IL10RA: variants seen among roughly 807,000 people sequenced by gnomAD.
IL10RA encodes the protein interleukin 10 receptor subunit alpha, also known as interleukin-10 receptor subunit alpha.
Under a neutral mutation model 29.6 loss-of-function variants are expected in IL10RA, and 18 were observed. The observed-to-expected ratio is 0.61, with a 90% CI of 0.42 to 0.90. IL10RA has a LOEUF of 0.90. Among genes scored for constraint, IL10RA ranks in the 40% least tolerant of loss-of-function variants. The probability of loss-of-function intolerance (pLI) is 0.00; values close to 1 mark genes in which losing one functional copy is unlikely to be tolerated. For synonymous variants in IL10RA, 292 were observed against 294.1 expected (o/e 0.99, Z 0.07); for missense variants, 634 against 716.6 (o/e 0.88, Z 1.32).
In IL10RA at chr11:117,990,351, T is replaced by TA. The variant is rs1266462644; in HGVS notation, c.367+732dup. On this transcript the variant is annotated intron_variant, in intron 3 of 6. Transcript: ENST00000227752. ...GTCTTGAATGGGCCCAGGGCATCTG[T>TA]ATTTTTTTTTTTTTTAACATTTTGT... Among the ~76,000 whole-genome samples the TA allele has an allele frequency of 7.4e-5, 6 of 81,130 alleles. No homozygotes were observed. The East Asian group carries it at 1.5e-3, about 20-fold the overall frequency. The allele number at this position is 81,130 out of a possible 152,430, so 53.2% of individuals were successfully genotyped here. A position where few individuals can be genotyped will look rare whatever the true frequency, so the allele number is the denominator to read the frequency against.
intron 3 of IL10RA, chr11:117,993,016 T>C: frequency 1.8e-6 from 1 of 562,206 alleles, no homozygotes; most frequent in Admixed American, 3.0e-5. Flanking sequence ...TTCTGGGCTG[T>C]CCATCATATT....
At chr11:117,990,165 C>T (rs1000802262) in intron 3 of IL10RA, among the ~76,000 whole-genome samples, 5 of 152,158 alleles carry the variant, frequency 3.3e-5, no homozygotes, top group South Asian at 2.1e-4. Context: ...ATGGAGACCT[C>T]GCTCTGTAGG....
At position 118,001,470 on chromosome 11, in the gene IL10RA, C is replaced by G. The variant is rs2058095183; in HGVS notation, c.*1829C>G. On this transcript the variant is annotated 3_prime_UTR_variant, in exon 7 of 7. Transcript: ENST00000227752. ...CATGTTTTTTATTCCAATAAATTGT[C>G]AAGACCACAGGAATCGTGTGAAACT... 1 of 423,826 alleles carries G rather than the reference C, an allele frequency of 2.4e-6. No individual in the cohort carries two copies. Among genetic ancestry groups the G allele is most frequent in the Non-Finnish European group, 4.7e-6 (1 of 211,886 alleles). The allele number at this position is 423,826 out of a possible 1,614,324, so 26.3% of individuals were successfully genotyped here. A position where few individuals can be genotyped will look rare whatever the true frequency, so the allele number is the denominator to read the frequency against.
chr11:118,002,508 C>T (rs1317900090), downstream of IL10RA: 1 of 152,162 alleles, frequency 6.6e-6, no homozygotes, highest in Non-Finnish European at 1.5e-5. Flanking sequence ...GAGGTGTTAG[C>T]GATGGCTTAT....
At chr11:118,001,727 C>G, downstream of IL10RA, 1 of 264,254 alleles carries the variant, frequency 3.8e-6, no homozygotes, top group Admixed American at 4.9e-5. Context: ...TGACAACTCC[C>G]CATGAGGATG....
intron 4 of IL10RA, 37 bp downstream of exon 4, chr11:117,993,447 C>A: frequency 6.3e-7 from 1 of 1,584,682 alleles, no homozygotes; most frequent in South Asian, 1.1e-5. Flanking sequence ...CCAGAACTCC[C>A]TTGGCTTCCC....
chr11:117,993,848 T>C, intron 4 of IL10RA, 151 bp from the exon 5 acceptor site: 1 of 698,658 alleles, frequency 1.4e-6, no homozygotes, highest in South Asian at 1.5e-5. Context: ...ACAGAGATCA[T>C]GTGCTGCATT....
intron 6 of IL10RA, among the ~76,000 whole-genome samples, chr11:117,998,410 G>C (rs994272706): frequency 6.6e-6 from 1 of 152,178 alleles, no homozygotes; most frequent in Admixed American, 6.5e-5. Flanking sequence ...CCTGCTTTCA[G>C]GTTTGAAAAG....
Position 117,993,310 on chromosome 11 carries a change from C to G in IL10RA, c.437C>G (p.Pro146Arg). ...NGFILGKIQL[P>R]RPKMAPANDT... ...TTCATCCTCGGGAAGATTCAGCTAC[C>G]CAGGCCCAAGATGGCCCCCGCAAAT... Residue 146 changes from proline (P) to arginine (R), a missense_variant, in exon 4 of 7, where the codon CCC becomes CGC. By Grantham distance (103) the Pro-to-Arg change is moderately radical. Transcript: ENST00000227752. 1.2e-6 allele frequency: 2 copies of G among 1,613,924 alleles called. No individual in the cohort carries two copies. The highest frequency in any genetic ancestry group is 1.7e-6 in the Non-Finnish European group (2 of 1,179,792).
At chr11:117,993,759 C>T (rs868206699) in intron 4 of IL10RA, among the ~76,000 whole-genome samples, 18 of 152,320 alleles carry the variant, frequency 1.2e-4, no homozygotes, top group Middle Eastern at 3.4e-3. Flanking sequence ...CTGTTGATTC[C>T]AGCCCCTTCT....
intron 3 of IL10RA, among the ~76,000 whole-genome samples, chr11:117,990,767 AATTT>A (rs1436845358): frequency 6.6e-6 from 1 of 152,234 alleles, no homozygotes; most frequent in African/African-American, 2.4e-5. Context: ...TAATCAATGC[AATTT>A]ATCACATTAA....
At chr11:117,993,025 T>C (rs577090231) in intron 3 of IL10RA, 2 of 572,820 alleles carry the variant, frequency 3.5e-6, no homozygotes, top group South Asian at 4.0e-5. Flanking sequence ...GTCCATCATA[T>C]TCCATTGGTT....
At position 118,000,863 on chromosome 11, in the gene IL10RA, G is replaced by A; in HGVS notation, c.*1222G>A. On this transcript the variant is annotated 3_prime_UTR_variant, in exon 7 of 7. Coordinates refer to ENST00000227752, the MANE Select transcript of IL10RA (RefSeq NM_001558.4). ...ATGGGAGTCCATGGTGTCATGCCAA[G>A]ACAGTATCAGACACAGCCCCAGAAG... 2.2e-6 allele frequency: 1 copy of A among 454,276 alleles called. No homozygotes were observed. Among genetic ancestry groups the A allele is most frequent in the South Asian group, 1.6e-5 (1 of 64,480 alleles). The allele number at this position is 454,276 out of a possible 1,614,324, so 28.1% of individuals were successfully genotyped here. A position where few individuals can be genotyped will look rare whatever the true frequency, so the allele number is the denominator to read the frequency against.
intron 1 of IL10RA, chr11:117,986,942 C>G (rs2057990608): frequency 1.2e-6 from 1 of 813,506 alleles, no homozygotes; most frequent in African/African-American, 1.8e-5. Flanking sequence ...TCTGTCTGTC[C>G]TTCTCCCATC....
At chr11:117,987,927 G>C (rs546589981) in intron 1 of IL10RA, 185 of 238,086 alleles carry the variant, frequency 7.8e-4, no homozygotes, top group African/African-American at 4.0e-3. Context: ...TCAGCAAGCA[G>C]GCTGTCTGTG....
At position 117,989,426 on chromosome 11, in the gene IL10RA, C is replaced by A; in HGVS notation, c.189-16C>A. 1.2e-6 allele frequency: 2 copies of A among 1,612,698 alleles called. No homozygotes were observed. The highest frequency in any genetic ancestry group is 1.7e-6 in the Non-Finnish European group (2 of 1,178,624). ...GCACAAGCTCGTTTCCAGTGCCTAA[C>A]CTGGTATCTCCTCAGGTATGGAATA... On this transcript the variant is annotated splice_polypyrimidine_tract_variant and intron_variant, in intron 2 of 6. Coordinates refer to ENST00000227752, the MANE Select transcript of IL10RA (RefSeq NM_001558.4). The surrounding 1 kb of genome is among the most constrained non-coding windows in gnomAD (Gnocchi z 4.5).
In IL10RA at chr11:117,998,814, G is replaced by T. The variant is rs1179563256; in HGVS notation, c.910G>T (p.Val304Leu). The change falls in exon 7 of 7, where the codon GTG becomes TTG. Residue 304 changes from valine (V) to leucine (L), a missense_variant. By Grantham distance (32) the Val-to-Leu change is conservative. Transcript: ENST00000227752. ...HPLDEEAFLK[V>L]SPELKNLDLH... ...GCTTGATGAGGAGGCCTTTTTGAAG[G>T]TGTCCCCAGAGCTGAAGAACTTGGA... is the stretch of plus-strand genomic sequence containing the variant. The T allele has an allele frequency of 1.2e-6, 2 of 1,614,014 alleles. No homozygotes were observed. The highest frequency in any genetic ancestry group is 1.3e-5 in the African/African-American group (1 of 74,908).
At position 117,999,448 on chromosome 11, in the gene IL10RA, A is replaced by C. The variant is rs778296045; in HGVS notation, c.1544A>C (p.Gln515Pro). ...TLASSGAPTG[Q>P]WNQPTEEWSL... ...GCTTCCTCAGGGGCCCCAACGGGAC[A>C]GTGGAACCAGCCCACTGAGGAATGG... Residue 515 changes from glutamine to proline, a missense_variant, in exon 7 of 7, where the codon CAG (glutamine) becomes CCG (proline). By Grantham distance (76) the Gln-to-Pro change is moderately conservative. Coordinates refer to ENST00000227752, the MANE Select transcript of IL10RA (RefSeq NM_001558.4). The C allele has an allele frequency of 2.5e-6, 4 of 1,614,222 alleles. No individual in the cohort carries two copies. Among genetic ancestry groups the C allele is most frequent in the Non-Finnish European group, 2.5e-6 (3 of 1,180,018 alleles).
At chr11:117,992,474 G>T (rs2058029784) in intron 3 of IL10RA, among the ~76,000 whole-genome samples, 2 of 152,142 alleles carry the variant, frequency 1.3e-5, no homozygotes, top group Non-Finnish European at 2.9e-5. Flanking sequence ...TCATGTATCT[G>T]TTGGTCATTT....
Sources: gnomAD v4.1 joint callset for allele counts (sites outside exome capture counted in the v4.1 genomes callset) on GRCh38, gnomAD v4.1.1 for gene constraint, Gnocchi (gnomAD v3.1) non-coding constraint, MANE v1.5 for transcripts, NCBI Gene and HGNC (gene_info 2026-07-23, HGNC 2026-07-21) for gene names.